Variants in SDCCAG8 observed in about 807,000 individuals in gnomAD.
SDCCAG8 encodes serologically defined colon cancer antigen 8.
A neutral mutation model predicts 101.8 loss-of-function variants in SDCCAG8; 74 were observed. The observed-to-expected ratio is 0.73, with a 90% CI of 0.60 to 0.88. SDCCAG8 has a LOEUF of 0.88. Among genes scored for constraint, SDCCAG8 ranks in the 40% least tolerant of loss-of-function variants. The pLI, the probability that SDCCAG8 is intolerant of heterozygous loss-of-function variation, is 0.00. For synonymous variants in SDCCAG8, 281 were observed against 292.9 expected (o/e 0.96, Z 0.41); for missense variants, 787 against 822.6 (o/e 0.96, Z 0.53).
chr1:243,291,646 G>GA (rs1438767685), intron 5 of SDCCAG8, among the ~76,000 whole-genome samples: 13 of 152,114 alleles, frequency 8.5e-5, no homozygotes, highest in Non-Finnish European at 1.9e-4. Context: ...GACTTTAAAG[G>GA]AAAAAACTGT....
At chr1:243,420,694 A>C (rs1180060453) in intron 15 of SDCCAG8, among the ~76,000 whole-genome samples, 2 of 152,174 alleles carry the variant, frequency 1.3e-5, no homozygotes, top group Non-Finnish European at 2.9e-5. Flanking sequence ...CGAAAAGTGC[A>C]TTTTGTGTGC....
chr1:243,426,589 C>G, intron 16 of SDCCAG8, 31 bp downstream of exon 16: 1 of 1,613,402 alleles, frequency 6.2e-7, no homozygotes, highest in Non-Finnish European at 8.5e-7. Flanking sequence ...ACTCATGTGC[C>G]GCATATTGAA....
chr1:243,265,799 G>A (rs2067537182), intron 1 of SDCCAG8, among the ~76,000 whole-genome samples: 1 of 151,552 alleles, frequency 6.6e-6, no homozygotes, highest in Admixed American at 6.6e-5. Context: ...GGGACAACAG[G>A]GAGACTTCGT....
rs184693618 is a variant in SDCCAG8 at position 243,272,508 on chromosome 1, G to C, written c.306+1445G>C. ...CATCTGGTTTCTAGCTTGCTCTTAAGCACAGACTGGTGGAATGCTTTTAAA... is the reference window on the plus strand; with the variant it reads ...CATCTGGTTTCTAGCTTGCTCTTAACCACAGACTGGTGGAATGCTTTTAAA... On this transcript the variant is annotated intron_variant, in intron 3 of 17. Transcript: ENST00000366541. 1.5e-3 allele frequency among the ~76,000 whole-genome samples: 233 copies of C among 152,200 alleles called. 2 individuals carry two copies. Among genetic ancestry groups the C allele is most frequent in the Non-Finnish European group, 7.9e-4 (54 of 68,016 alleles).
At chr1:243,484,854 G>A (rs532836640) in intron 16 of SDCCAG8, among the ~76,000 whole-genome samples, 11 of 152,200 alleles carry the variant, frequency 7.2e-5, no homozygotes, top group South Asian at 4.2e-4. Flanking sequence ...GACCAGCCTG[G>A]CCAACATCGT....
chr1:243,284,718 T>C (rs892857055), intron 4 of SDCCAG8, among the ~76,000 whole-genome samples: 1 of 152,208 alleles, frequency 6.6e-6, no homozygotes, highest in African/African-American at 2.4e-5. Flanking sequence ...GAGGCAGGCC[T>C]GTTACAAGGA....
At chr1:243,340,091 A>G (rs1479356438) in intron 10 of SDCCAG8, among the ~76,000 whole-genome samples, 1 of 152,234 alleles carries the variant, frequency 6.6e-6, no homozygotes, top group Non-Finnish European at 1.5e-5. Context: ...CCTAATACCC[A>G]TAGAGTCCAT....
Position 243,379,977 on chromosome 1 carries a change from G to A in SDCCAG8, c.1616+1114G>A, listed in dbSNP as rs146289686. 7.3e-3 allele frequency among the ~76,000 whole-genome samples: 1,115 copies of A among 152,296 alleles called. 9 individuals carry two copies. Among genetic ancestry groups the A allele is most frequent in the African/African-American group, 0.023 (962 of 41,564 alleles). The stretch of plus-strand genomic sequence containing the variant: ...TGGTGAACCTCCCAAAGTTTTGGGT[G>A]AGTGTTAAGATGCCTCTGGTTCTGT... On this transcript the variant is annotated intron_variant, in intron 13 of 17. Transcript: ENST00000366541.
intron 16 of SDCCAG8, among the ~76,000 whole-genome samples, chr1:243,449,698 G>A (rs2997488): frequency 0.11 from 17,201 of 152,096 alleles, 1,735 homozygotes; most frequent in African/African-American, 0.27. Flanking sequence ...GTTGCATTTC[G>A]TAGTTCTCAT....
Position 243,393,238 on chromosome 1 carries a change from AG to A in SDCCAG8, c.1616+14376del, listed in dbSNP as rs1186670428. Among the ~76,000 whole-genome samples the A allele has an allele frequency of 4.6e-5, 7 of 152,288 alleles. No individual in the cohort carries two copies. In the East Asian group the frequency reaches 1.4e-3, roughly 29 times the overall value. The stretch of plus-strand genomic sequence containing the variant: ...GTTAGCACTTTGGGGTAAGGATGGT[AG>A]CCGGGTGCCAGGTAGGAGGGCAGTG... On this transcript the variant is annotated intron_variant, in intron 13 of 17. Coordinates refer to ENST00000366541, the MANE Select transcript of SDCCAG8 (RefSeq NM_006642.5).
chr1:243,462,732 T>C (rs1365453684), intron 16 of SDCCAG8, among the ~76,000 whole-genome samples: 1 of 152,206 alleles, frequency 6.6e-6, no homozygotes, highest in Non-Finnish European at 1.5e-5. Flanking sequence ...TTTAAACAGC[T>C]TTAGCAATAT....
intron 12 of SDCCAG8, among the ~76,000 whole-genome samples, chr1:243,360,581 T>C (rs2076648716): frequency 1.3e-5 from 2 of 150,620 alleles, no homozygotes; most frequent in South Asian, 4.4e-4. Context: ...CCCAGCACTT[T>C]GGGAGGCCGA....
chr1:243,349,927 G>T (rs2075987493), intron 12 of SDCCAG8, among the ~76,000 whole-genome samples: 1 of 151,808 alleles, frequency 6.6e-6, no homozygotes, highest in South Asian at 2.1e-4. Context: ...CTTTAATGGA[G>T]CAATCAAAGC....
chr1:243,281,875 G>A (rs1012648092), intron 4 of SDCCAG8, among the ~76,000 whole-genome samples: 6 of 151,938 alleles, frequency 3.9e-5, no homozygotes, highest in Non-Finnish European at 8.8e-5. Context: ...CGAACTCCTG[G>A]CCCCAAGTGA....
chr1:243,319,228 C>T (rs891545272), intron 9 of SDCCAG8, among the ~76,000 whole-genome samples: 1 of 152,176 alleles, frequency 6.6e-6, no homozygotes, highest in Non-Finnish European at 1.5e-5. Context: ...CTGGAAGTCA[C>T]ATTTCAACAT....
At chr1:243,480,630 T>TGGG in intron 16 of SDCCAG8, among the ~76,000 whole-genome samples, 1 of 95,838 alleles carries the variant, frequency 1.0e-5, no homozygotes, top group African/African-American at 4.1e-5. Flanking sequence ...GTGGTATGGA[T>TGGG]GGATGGGTGT....
intron 9 of SDCCAG8, among the ~76,000 whole-genome samples, chr1:243,321,381 CT>C (rs1228023444): frequency 6.7e-6 from 1 of 149,700 alleles, no homozygotes; most frequent in African/African-American, 2.5e-5. Flanking sequence ...CCATGCCCCC[CT>C]CTCTCCTCCC....
intron 4 of SDCCAG8, among the ~76,000 whole-genome samples, chr1:243,283,964 G>A (rs1426873596): frequency 6.6e-6 from 1 of 152,012 alleles, no homozygotes; most frequent in Non-Finnish European, 1.5e-5. Context: ...GGCTGGTCTC[G>A]AACTCCTGAC....
intron 13 of SDCCAG8, among the ~76,000 whole-genome samples, chr1:243,409,530 T>G (rs2080020602): frequency 6.6e-6 from 1 of 152,172 alleles, no homozygotes; most frequent in Admixed American, 6.6e-5. Flanking sequence ...TAAATACCAT[T>G]CTCCATTAAA....
Sources: gnomAD v4.1 joint callset for allele counts (sites outside exome capture counted in the v4.1 genomes callset) on GRCh38, gnomAD v4.1.1 for gene constraint, MANE v1.5 for transcripts, NCBI Gene and HGNC (gene_info 2026-07-23, HGNC 2026-07-21) for gene names.